FSHR: variants seen among roughly 807,000 people sequenced by gnomAD.
FSHR encodes the protein follicle stimulating hormone receptor, also known as follicle-stimulating hormone receptor.
A neutral mutation model predicts 52.1 loss-of-function variants in FSHR; 46 were observed. The ratio of observed to expected loss-of-function variants is 0.88; its 90% CI spans 0.70 to 1.13. The LOEUF is 1.13. Ranked by LOEUF, FSHR falls within the 50% of genes most tolerant of loss-of-function variation. The probability of loss-of-function intolerance (pLI) is 0.00; values close to 1 mark genes in which losing one functional copy is unlikely to be tolerated. For synonymous variants in FSHR, 399 were observed against 309.6 expected, an observed-to-expected ratio of 1.29 and a Z score of -3.03; for missense variants, 964 against 834.6, an observed-to-expected ratio of 1.16 and a Z score of -1.91.
chr2:49,015,784 T>G (rs1667468014), intron 4 of FSHR, among the ~76,000 whole-genome samples: 1 of 152,164 alleles, frequency 6.6e-6, no homozygotes, highest in Non-Finnish European at 1.5e-5. Flanking sequence ...CTACGTAATT[T>G]GTGGGATGCT....
At chr2:49,015,658 C>A (rs1667460861) in intron 4 of FSHR, among the ~76,000 whole-genome samples, 1 of 152,128 alleles carries the variant, frequency 6.6e-6, no homozygotes, top group African/African-American at 2.4e-5. Context: ...GCATGTTAGC[C>A]TCTGCAGAGA....
intron 2 of FSHR, among the ~76,000 whole-genome samples, chr2:49,059,899 C>G (rs909272296): frequency 6.6e-5 from 10 of 152,036 alleles, no homozygotes; most frequent in African/African-American, 1.9e-4. Context: ...GCCAATGAAA[C>G]AATCAATATA....
At chr2:49,040,317 T>C (rs1274009143) in intron 2 of FSHR, among the ~76,000 whole-genome samples, 6 of 151,976 alleles carry the variant, frequency 3.9e-5, no homozygotes, top group Non-Finnish European at 8.8e-5. Context: ...GACTGGGGAG[T>C]GGGCTTTCTT....
chr2:49,137,263 A>C (rs1308082752), intron 1 of FSHR, among the ~76,000 whole-genome samples: 1 of 152,110 alleles, frequency 6.6e-6, no homozygotes, highest in Admixed American at 6.6e-5. Context: ...TAGTATTATA[A>C]AAAATGAACT....
chr2:49,065,502 A>G (rs1330631933), intron 2 of FSHR, among the ~76,000 whole-genome samples: 1 of 152,076 alleles, frequency 6.6e-6, no homozygotes, highest in Non-Finnish European at 1.5e-5. Context: ...TTGTTTGGGA[A>G]CCTGGGCAGA....
chr2:49,037,311 T>C (rs1668303272), intron 2 of FSHR, among the ~76,000 whole-genome samples: 1 of 152,132 alleles, frequency 6.6e-6, no homozygotes, highest in African/African-American at 2.4e-5. Flanking sequence ...CTGGAGAAAA[T>C]TAAAATGCTT....
intron 1 of FSHR, among the ~76,000 whole-genome samples, chr2:49,095,066 T>A (rs1478934964): frequency 6.6e-6 from 1 of 152,100 alleles, no homozygotes; most frequent in Non-Finnish European, 1.5e-5. Context: ...CCAGAAAGAA[T>A]TTAATACAAT....
At chr2:49,009,461 G>C (rs1667192790) in intron 4 of FSHR, among the ~76,000 whole-genome samples, 1 of 148,876 alleles carries the variant, frequency 6.7e-6, no homozygotes, top group African/African-American at 2.5e-5. Context: ...CAGGTAGTGT[G>C]ATGCCTCCAG....
At chr2:48,978,510 G>C (rs1675093850) in intron 8 of FSHR, among the ~76,000 whole-genome samples, 1 of 152,212 alleles carries the variant, frequency 6.6e-6, no homozygotes, top group Admixed American at 6.5e-5. Flanking sequence ...AAATCAATTT[G>C]ATAAACCATC....
chr2:49,028,185 TA>T (rs1256538557), intron 2 of FSHR, among the ~76,000 whole-genome samples: 1 of 152,228 alleles, frequency 6.6e-6, no homozygotes, highest in Non-Finnish European at 1.5e-5. Context: ...GAGACACTTG[TA>T]AGTTTGAGTT....
At chr2:49,018,487 A>C (rs551935195) in intron 3 of FSHR, among the ~76,000 whole-genome samples, 15 of 152,338 alleles carry the variant, frequency 9.8e-5, no homozygotes, top group African/African-American at 3.4e-4. Context: ...TGCTACATGG[A>C]GGTGAGCACC....
chr2:49,013,477 T>TAA (rs1558389370), intron 4 of FSHR, among the ~76,000 whole-genome samples: 5 of 120,480 alleles, frequency 4.2e-5, no homozygotes, highest in African/African-American at 1.5e-4. Context: ...TATATATATA[T>TAA]ATAAATAAAT....
At chr2:49,049,718 G>C (rs1389116095) in intron 2 of FSHR, among the ~76,000 whole-genome samples, 1 of 151,984 alleles carries the variant, frequency 6.6e-6, no homozygotes, top group Non-Finnish European at 1.5e-5. Flanking sequence ...AAGCGTAAGT[G>C]ACTGAGGTGT....
chr2:49,103,009 A>G (rs1671089963), intron 1 of FSHR, among the ~76,000 whole-genome samples: 2 of 152,002 alleles, frequency 1.3e-5, no homozygotes, highest in Admixed American at 1.3e-4. Flanking sequence ...TTTTTCTCTA[A>G]TCTTCCCCGC....
intron 1 of FSHR, among the ~76,000 whole-genome samples, chr2:49,098,848 T>A (rs993888004): frequency 1.4e-5 from 2 of 146,714 alleles, no homozygotes; most frequent in African/African-American, 5.0e-5. Context: ...TTATATTATA[T>A]ATACTTTATA....
intron 2 of FSHR, 26 bp from the exon 3 acceptor site, chr2:49,020,186 A>G: frequency 1.3e-6 from 2 of 1,577,704 alleles, no homozygotes; most frequent in Non-Finnish European, 1.7e-6. Context: ...TATATAAGTC[A>G]AGCCAGTTCA....
At chr2:49,070,817 C>G (rs559684136) in intron 1 of FSHR, among the ~76,000 whole-genome samples, 1 of 152,042 alleles carries the variant, frequency 6.6e-6, no homozygotes, top group Non-Finnish European at 1.5e-5. Flanking sequence ...GACATTTTCA[C>G]GAAAAATTAC....
At chr2:49,106,938 T>C (rs577178797) in intron 1 of FSHR, among the ~76,000 whole-genome samples, 2 of 152,320 alleles carry the variant, frequency 1.3e-5, no homozygotes, top group Non-Finnish European at 2.9e-5. Context: ...GCCATACCTT[T>C]ATTATACTAA....
At chr2:49,142,280 A>C (rs1672715843) in intron 1 of FSHR, among the ~76,000 whole-genome samples, 1 of 152,222 alleles carries the variant, frequency 6.6e-6, no homozygotes, top group Non-Finnish European at 1.5e-5. Context: ...TGGAGTGGTC[A>C]AAAAGACCCT....
Sources: gnomAD v4.1 joint callset for allele counts (sites outside exome capture counted in the v4.1 genomes callset) on GRCh38, gnomAD v4.1.1 for gene constraint, MANE v1.5 for transcripts, NCBI Gene and HGNC (gene_info 2026-07-23, HGNC 2026-07-21) for gene names.